The following LUZP2 variants were observed in gnomAD, a reference collection of about 807,000 sequenced individuals.
LUZP2 encodes leucine zipper protein 2.
Under a neutral mutation model 51.6 loss-of-function variants are expected in LUZP2, and 52 were observed. The observed-to-expected ratio is 1.01, with a 90% CI of 0.81 to 1.27. The LOEUF (loss-of-function observed/expected upper bound fraction) is 1.27, where lower values mean the gene tolerates loss of function less well. LUZP2 is among the 50% of genes most tolerant of loss of function. The pLI, the probability that LUZP2 is intolerant of heterozygous loss-of-function variation, is 0.00. For missense variants in LUZP2, 436 were observed against 395.4 expected (o/e 1.10, Z -0.87); for synonymous variants, 154 against 137.3 (o/e 1.12, Z -0.85).
chr11:24,802,734 A>G (rs1024041453), intron 5 of LUZP2, among the ~76,000 whole-genome samples: 5 of 151,892 alleles, frequency 3.3e-5, no homozygotes, highest in Non-Finnish European at 5.9e-5. Context: ...GTACCTTGCT[A>G]TGGTTTGAAT....
chr11:24,607,468 C>A (rs890323752), intron 1 of LUZP2, among the ~76,000 whole-genome samples: 13 of 148,086 alleles, frequency 8.8e-5, no homozygotes, highest in African/African-American at 3.2e-4. Flanking sequence ...AACATATATG[C>A]ATGGCTTTAC....
At chr11:25,056,379 A>G (rs1185641008) in intron 10 of LUZP2, among the ~76,000 whole-genome samples, 1 of 152,120 alleles carries the variant, frequency 6.6e-6, no homozygotes, top group Non-Finnish European at 1.5e-5. Context: ...ATCTCTTTCA[A>G]TTTCAGGATT....
intron 5 of LUZP2, among the ~76,000 whole-genome samples, chr11:24,835,940 T>G (rs2029197): frequency 0.6 from 90,677 of 151,684 alleles, 28,777 homozygotes; most frequent in East Asian, 0.81. Context: ...CGTAAAAAAT[T>G]TGCTGCAAAA....
chr11:24,661,918 G>A (rs1856034425), intron 1 of LUZP2, among the ~76,000 whole-genome samples: 1 of 151,912 alleles, frequency 6.6e-6, no homozygotes, highest in Non-Finnish European at 1.5e-5. Context: ...GAGAGGGGAG[G>A]CAGCCTATTT....
chr11:24,602,931 A>T (rs1351982052), intron 1 of LUZP2, among the ~76,000 whole-genome samples: 1 of 151,828 alleles, frequency 6.6e-6, no homozygotes, highest in African/African-American at 2.4e-5. Flanking sequence ...CAGAATAACT[A>T]TCTAGGGTAG....
chr11:24,963,856 G>A (rs559978308), intron 7 of LUZP2, among the ~76,000 whole-genome samples: 165 of 152,260 alleles, frequency 1.1e-3, no homozygotes, highest in Non-Finnish European at 2.0e-3. Flanking sequence ...CGTCTTCTGC[G>A]TTGCTCATGC....
intron 1 of LUZP2, among the ~76,000 whole-genome samples, chr11:24,645,902 T>C (rs879735896): frequency 6.6e-6 from 1 of 151,898 alleles, no homozygotes; most frequent in Non-Finnish European, 1.5e-5. Flanking sequence ...CTCATTAGCT[T>C]GTTTCATTAA....
intron 1 of LUZP2, among the ~76,000 whole-genome samples, chr11:24,607,341 CTTT>C (rs57741208): frequency 2.0e-3 from 127 of 63,342 alleles, no homozygotes; most frequent in African/African-American, 6.3e-3. Context: ...GATATTATGT[CTTT>C]TTTTTTTTTT....
chr11:24,621,125 A>G (rs768132756), intron 1 of LUZP2, among the ~76,000 whole-genome samples: 1 of 152,210 alleles, frequency 6.6e-6, no homozygotes, highest in Non-Finnish European at 1.5e-5. Context: ...CTTAGAGTAG[A>G]AAATGTCTCT....
chr11:24,988,448 A>G (rs545593696), intron 9 of LUZP2, among the ~76,000 whole-genome samples: 10 of 152,138 alleles, frequency 6.6e-5, no homozygotes, highest in African/African-American at 2.2e-4. Context: ...GTTCAGAGAT[A>G]AAATAATGTT....
At chr11:24,594,045 A>C (rs1853346152) in intron 1 of LUZP2, among the ~76,000 whole-genome samples, 1 of 152,196 alleles carries the variant, frequency 6.6e-6, no homozygotes, top group Non-Finnish European at 1.5e-5. Flanking sequence ...AGTGCTAAAA[A>C]ATAAAGAAAC....
At chr11:24,640,159 G>A (rs1451846317) in intron 1 of LUZP2, among the ~76,000 whole-genome samples, 4 of 151,836 alleles carry the variant, frequency 2.6e-5, no homozygotes, top group Non-Finnish European at 5.9e-5. Flanking sequence ...GGTTGTAAGT[G>A]TAAACCTCAA....
At chr11:24,681,068 G>T (rs1317003489) in intron 1 of LUZP2, among the ~76,000 whole-genome samples, 1 of 150,084 alleles carries the variant, frequency 6.7e-6, no homozygotes, top group Non-Finnish European at 1.5e-5. Context: ...TGCAAGCTCC[G>T]CTTCCCGGGT....
At chr11:24,828,673 C>A (rs147567085) in intron 5 of LUZP2, among the ~76,000 whole-genome samples, 3 of 151,748 alleles carry the variant, frequency 2.0e-5, no homozygotes, top group South Asian at 4.1e-4. Context: ...AGGCAAAATT[C>A]GAAACTGTGA....
chr11:24,848,228 A>G (rs1851265285), intron 5 of LUZP2, among the ~76,000 whole-genome samples: 1 of 152,186 alleles, frequency 6.6e-6, no homozygotes, highest in African/African-American at 2.4e-5. Context: ...CTATATTAAA[A>G]CATAACGCTT....
rs370356494 is a variant in LUZP2, at chr11:24,961,001, T to C, written c.523-15590T>C. The stretch of plus-strand genomic sequence containing the variant: ...CTTTATTTCTGCCTTCATTTCGTTA[T>C]GTACCCAGTAGTCATTCAGGAGCAG... On this transcript the variant is annotated intron_variant, in intron 7 of 11. Transcript: ENST00000336930. Among the ~76,000 whole-genome samples the C allele has an allele frequency of 1.3e-4, 20 of 152,318 alleles. No individual in the cohort carries two copies. The East Asian group carries it at 2.5e-3, about 19-fold the overall frequency.
intron 5 of LUZP2, among the ~76,000 whole-genome samples, chr11:24,766,397 A>T (rs1170984666): frequency 6.6e-6 from 1 of 152,200 alleles, no homozygotes; most frequent in Non-Finnish European, 1.5e-5. Flanking sequence ...ATTCAGGCAA[A>T]AGACTTTTCA....
At chr11:24,786,009 C>T in intron 5 of LUZP2, 2 of 985,290 alleles carry the variant, frequency 2.0e-6, no homozygotes, top group Non-Finnish European at 2.4e-6. Context: ...TCAAGTGGTA[C>T]CCAGAGTTGG....
intron 1 of LUZP2, among the ~76,000 whole-genome samples, chr11:24,533,698 G>C (rs536951961): frequency 6.6e-6 from 1 of 150,960 alleles, no homozygotes; most frequent in East Asian, 1.9e-4. Context: ...TTAATACTTA[G>C]TAAAACAGTA....
Sources: allele counts gnomAD v4.1 joint callset (sites outside exome capture counted in the v4.1 genomes callset), GRCh38; gene constraint gnomAD v4.1.1; transcripts MANE v1.5; gene names NCBI Gene and HGNC (gene_info 2026-07-23, HGNC 2026-07-21).